FOXJ3: variants seen among roughly 807,000 people sequenced by gnomAD.
FOXJ3 encodes the protein forkhead box J3.
A neutral mutation model predicts 76.1 loss-of-function variants in FOXJ3; 22 were observed. That is an observed-to-expected ratio of 0.29 (90% CI 0.21 to 0.41). The LOEUF (loss-of-function observed/expected upper bound fraction) is 0.41, where lower values mean the gene tolerates loss of function less well. Among genes scored for constraint, FOXJ3 ranks in the 10% least tolerant of loss-of-function variants. The pLI is 1.00. For missense variants in FOXJ3, 613 were observed against 762.1 expected, an observed-to-expected ratio of 0.80 and a Z score of 2.30; for synonymous variants, 269 against 261.2, an observed-to-expected ratio of 1.03 and a Z score of -0.29.
At chr1:42,184,472 T>C (rs1223158565) in intron 11 of FOXJ3, among the ~76,000 whole-genome samples, 1 of 152,130 alleles carries the variant, frequency 6.6e-6, no homozygotes, top group African/African-American at 2.4e-5. Context: ...TTAATTCTCA[T>C]TTTTTCCCAT....
intron 6 of FOXJ3, among the ~76,000 whole-genome samples, chr1:42,199,623 T>TA (rs34647911): frequency 2.4e-4 from 35 of 145,608 alleles, no homozygotes; most frequent in South Asian, 4.3e-4. Context: ...ACGAAGCACA[T>TA]AAAAAAAAAA....
At chr1:42,335,314 G>T (rs1189203811), upstream of FOXJ3, 3 of 152,192 alleles carry the variant, frequency 2.0e-5, no homozygotes, top group Non-Finnish European at 4.4e-5. Context: ...GGCGTCAGCG[G>T]CGTCAAGTCC....
chr1:42,189,485 T>C, intron 9 of FOXJ3, 81 bp from the exon 10 acceptor site: 1 of 974,738 alleles, frequency 1.0e-6, no homozygotes, highest in African/African-American at 1.6e-5. Flanking sequence ...GCTGCCCTTA[T>C]TCCTGAAATT....
chr1:42,301,361 A>C (rs1418041124), intron 2 of FOXJ3, among the ~76,000 whole-genome samples: 1 of 151,728 alleles, frequency 6.6e-6, no homozygotes, highest in African/African-American at 2.4e-5. Flanking sequence ...ATGCCCTGCT[A>C]ATTTTTTTTT....
intron 2 of FOXJ3, 134 bp downstream of exon 2, chr1:42,310,916 T>G (rs569805062): frequency 1.2e-5 from 7 of 562,152 alleles, no homozygotes; most frequent in Non-Finnish European, 1.9e-5. Context: ...TTCCGCCAAA[T>G]TGCACTACTT....
At chr1:42,183,508 A>G (rs1646372807) in intron 11 of FOXJ3, among the ~76,000 whole-genome samples, 1 of 151,974 alleles carries the variant, frequency 6.6e-6, no homozygotes, top group Admixed American at 6.5e-5. Flanking sequence ...AATGCAAAAG[A>G]GAGAACAAAC....
intron 4 of FOXJ3, among the ~76,000 whole-genome samples, chr1:42,248,929 G>A (rs747072703): frequency 1.3e-5 from 2 of 151,868 alleles, no homozygotes; most frequent in African/African-American, 2.4e-5. Context: ...ATAGGCCCCG[G>A]TGTGTGTTGT....
chr1:42,240,651 T>A (rs1475390195), intron 4 of FOXJ3, among the ~76,000 whole-genome samples: 2 of 152,068 alleles, frequency 1.3e-5, no homozygotes, highest in African/African-American at 4.8e-5. Context: ...AGGAAAATGG[T>A]CCACATGCAA....
chr1:42,291,095 C>T (rs12135310), intron 2 of FOXJ3, among the ~76,000 whole-genome samples: 15,241 of 143,376 alleles, frequency 0.11, 852 homozygotes, highest in South Asian at 0.19. Context: ...GACAGACAGA[C>T]AGACAGATAG....
chr1:42,183,173 TTGAA>T (rs1569755841), intron 11 of FOXJ3, among the ~76,000 whole-genome samples: 1 of 149,966 alleles, frequency 6.7e-6, no homozygotes, highest in East Asian at 2.0e-4. Flanking sequence ...CTACTCAGAC[TTGAA>T]CCTGGGAGAC....
intron 5 of FOXJ3, among the ~76,000 whole-genome samples, chr1:42,214,374 A>G (rs1647024543): frequency 6.6e-6 from 1 of 152,168 alleles, no homozygotes; most frequent in Non-Finnish European, 1.5e-5. Flanking sequence ...CCCAAAATGT[A>G]TTTGGATAAT....
chr1:42,255,428 A>G (rs1389704234), intron 4 of FOXJ3, among the ~76,000 whole-genome samples: 1 of 152,224 alleles, frequency 6.6e-6, no homozygotes, highest in Non-Finnish European at 1.5e-5. Flanking sequence ...TATCTGATTA[A>G]CCCCAAAGGT....
intron 3 of FOXJ3, among the ~76,000 whole-genome samples, chr1:42,266,799 C>T (rs933479202): frequency 6.6e-6 from 1 of 152,112 alleles, no homozygotes; most frequent in Non-Finnish European, 1.5e-5. Context: ...AGCAAAAAAA[C>T]AAGTTTGCAG....
intron 3 of FOXJ3, among the ~76,000 whole-genome samples, chr1:42,274,220 C>T (rs1449534662): frequency 2.0e-5 from 3 of 152,136 alleles, no homozygotes; most frequent in African/African-American, 7.2e-5. Flanking sequence ...CCAGAAAGCA[C>T]AGCTTAAATA....
rs1646245662 is a variant in FOXJ3, at chr1:42,177,945, C to G, written c.*1765G>C. On this transcript the variant is annotated 3_prime_UTR_variant, in exon 13 of 13. Transcript: ENST00000361346. ...CTAGTGAGCAGTTATTACTCTTTGA[C>G]TTGATGGAATATATTTCCCCATTAG... is the stretch of plus-strand genomic sequence containing the variant. 2 of 152,448 alleles carry G rather than the reference C, an allele frequency of 1.3e-5. No homozygotes were observed. Among genetic ancestry groups the G allele is most frequent in the African/African-American group, 4.8e-5 (2 of 41,380 alleles). The allele number at this position is 152,448 out of a possible 1,614,324, so 9.4% of individuals were successfully genotyped here. A position where few individuals can be genotyped will look rare whatever the true frequency, so the allele number is the denominator to read the frequency against.
At chr1:42,181,132 T>C (rs1569743342) in intron 12 of FOXJ3, among the ~76,000 whole-genome samples, 1 of 152,270 alleles carries the variant, frequency 6.6e-6, no homozygotes, top group African/African-American at 2.4e-5. Context: ...AAGTAAAGGA[T>C]TGTGTGGTAT....
chr1:42,334,796 C>A (rs1318508584), intron 1 of FOXJ3: 1 of 152,208 alleles, frequency 6.6e-6, no homozygotes, highest in South Asian at 2.1e-4. Flanking sequence ...GCGGGAGACG[C>A]GAAGCCGCTG....
chr1:42,182,406 G>A (rs1414729636), intron 11 of FOXJ3, among the ~76,000 whole-genome samples: 1 of 152,218 alleles, frequency 6.6e-6, no homozygotes. Context: ...CCATTTTACA[G>A]ATGAGGCAAC....
intron 9 of FOXJ3, among the ~76,000 whole-genome samples, chr1:42,190,159 T>C (rs1260562878): frequency 6.6e-6 from 1 of 152,206 alleles, no homozygotes; most frequent in Non-Finnish European, 1.5e-5. Flanking sequence ...TCAGAGGCCA[T>C]GCAGCAAGAG....
Sources: allele counts gnomAD v4.1 joint callset (sites outside exome capture counted in the v4.1 genomes callset), GRCh38; gene constraint gnomAD v4.1.1; transcripts MANE v1.5; gene names NCBI Gene and HGNC (gene_info 2026-07-23, HGNC 2026-07-21).